Variants in GSAP observed in about 807,000 individuals in gnomAD.
The protein encoded by GSAP is gamma-secretase activating protein, also known as gamma-secretase-activating protein.
Under a neutral mutation model 131.7 loss-of-function variants are expected in GSAP, and 118 were observed. The ratio of observed to expected loss-of-function variants is 0.90; its 90% CI spans 0.77 to 1.04. The LOEUF (loss-of-function observed/expected upper bound fraction) is 1.04. GSAP is among the 50% of genes least tolerant of loss of function. The pLI is 0.00. For missense variants in GSAP, 1,019 were observed against 1,013.2 expected (o/e 1.01, Z -0.08); for synonymous variants, 381 against 363.4 (o/e 1.05, Z -0.55).
chr7:77,365,898 G>GTTTTT (rs35007328), intron 12 of GSAP, among the ~76,000 whole-genome samples: 282 of 115,212 alleles, frequency 2.4e-3, no homozygotes, highest in East Asian at 7.1e-3. Context: ...GCAACTGTGG[G>GTTTTT]TTTTTTTTTT....
Position 77,329,650 on chromosome 7 carries a change from G to C in GSAP, c.1675-259C>G, listed in dbSNP as rs571241953. 10 of 249,004 alleles carry C rather than the reference G, an allele frequency of 4.0e-5. No individual in the cohort carries two copies. The South Asian group carries it at 1.3e-3, about 31-fold the overall frequency. The allele number at this position is 249,004 out of a possible 1,614,324, so 15.4% of individuals were successfully genotyped here. A position where few individuals can be genotyped will look rare whatever the true frequency, so the allele number is the denominator to read the frequency against. ...ACATGCAGCGATACTAGAGAGAGAT[G>C]CAATGTACCCTCCACCCAGTCTCCT... On this transcript the variant is annotated intron_variant, in intron 20 of 30. Transcript: ENST00000257626.
At chr7:77,352,673 A>G (rs1228347985) in intron 18 of GSAP, among the ~76,000 whole-genome samples, 2 of 152,224 alleles carry the variant, frequency 1.3e-5, no homozygotes, top group Non-Finnish European at 2.9e-5. Context: ...TAAAAATACC[A>G]TGATAGAGGT....
Position 77,314,454 on chromosome 7 carries a change from A to G in GSAP, c.2125T>C (p.Cys709Arg). Residue 709 changes from cysteine (C) to arginine (R), a missense_variant, in exon 27 of 31, where the codon TGT (cysteine) becomes CGT (arginine). By Grantham distance (180) the Cys-to-Arg change is radical (BLOSUM62 -3). Coordinates refer to ENST00000257626, the MANE Select transcript of GSAP (RefSeq NM_017439.4). ...HTLHTILGVQ[C>R]LPLHNLLHCI... ...TGCAGCAGGTTATGCAAAGGGAGAC[A>G]CTGGACCCCGAGGATGGTGTGCAGA... 6.2e-7 allele frequency: 1 copy of G among 1,613,842 alleles called. No individual in the cohort carries two copies. The highest frequency in any genetic ancestry group is 8.5e-7 in the Non-Finnish European group (1 of 1,179,774).
At position 77,323,283 on chromosome 7, in the gene GSAP, G is replaced by A. The variant is rs540989564; in HGVS notation, c.1923+364C>T. 3.9e-5 allele frequency among the ~76,000 whole-genome samples: 6 copies of A among 152,306 alleles called. No individual in the cohort carries two copies. In the South Asian group the frequency reaches 1.0e-3, roughly 26 times the overall value. On this transcript the variant is annotated intron_variant, in intron 24 of 30. Transcript: ENST00000257626. ...CTACTGGAACTAATTAAGATTTGAAGTTCAAGTTCTCTCCTGTCTGCATAA... is the reference window on the plus strand; with the variant it reads ...CTACTGGAACTAATTAAGATTTGAAATTCAAGTTCTCTCCTGTCTGCATAA...
intron 19 of GSAP, among the ~76,000 whole-genome samples, chr7:77,331,032 G>C (rs1409612032): frequency 6.6e-6 from 1 of 152,182 alleles, no homozygotes; most frequent in Non-Finnish European, 1.5e-5. Context: ...TCTTAGTGTT[G>C]ACCAGGTGCA....
At chr7:77,328,210 T>A (rs1788583779) in intron 22 of GSAP, 3 of 1,004,488 alleles carry the variant, frequency 3.0e-6, no homozygotes, top group Non-Finnish European at 3.6e-6. Flanking sequence ...GTGTGCCCAA[T>A]TTTTAACCCA....
chr7:77,312,805 T>C (rs763678686), intron 28 of GSAP, among the ~76,000 whole-genome samples: 1 of 152,204 alleles, frequency 6.6e-6, no homozygotes, highest in Non-Finnish European at 1.5e-5. Flanking sequence ...GAGGTGCAAG[T>C]GTGCAAGGCA....
intron 12 of GSAP, among the ~76,000 whole-genome samples, chr7:77,364,309 T>C (rs928822338): frequency 2.6e-5 from 4 of 152,046 alleles, no homozygotes; most frequent in African/African-American, 9.7e-5. Flanking sequence ...GATGGCAACA[T>C]AGATCATAAC....
intron 10 of GSAP, 103 bp downstream of exon 10, chr7:77,376,745 C>T (rs1324086692): frequency 7.9e-6 from 5 of 633,438 alleles, no homozygotes; most frequent in Non-Finnish European, 1.4e-5. Flanking sequence ...CCACTGCACC[C>T]AGCGTGTGCG....
At chr7:77,363,224 G>A (rs116619980) in intron 12 of GSAP, among the ~76,000 whole-genome samples, 10 of 152,348 alleles carry the variant, frequency 6.6e-5, no homozygotes, top group African/African-American at 2.4e-4. Context: ...TTGGCATAGA[G>A]TGGCCTTTCC....
rs771682960 is a variant in GSAP, at chr7:77,320,734, G to A, written c.2080C>T (p.Leu694=). The change falls in exon 26 of 31, where the codon CTG becomes TTG. Residue 694 remains leucine, a synonymous_variant. Coordinates refer to ENST00000257626, the MANE Select transcript of GSAP (RefSeq NM_017439.4). ...AAGAGCCAACACTTACCAGGAGGCA[G>A]AGGTAAAAACAAACTGTTTGTAGCT... ...LEATNSLFLP[L]PPGFHTLHTI... 9 of 1,590,442 alleles carry A rather than the reference G, an allele frequency of 5.7e-6. No individual in the cohort carries two copies. The highest frequency in any genetic ancestry group is 8.6e-7 in the Non-Finnish European group (1 of 1,158,464).
intron 26 of GSAP, chr7:77,314,772 A>AT (rs1261066359): frequency 3.8e-6 from 1 of 264,246 alleles, no homozygotes; most frequent in African/African-American, 2.2e-5. Context: ...TTACGGTTTG[A>AT]TATGTTTGTG....
intron 26 of GSAP, 101 bp from the exon 27 acceptor site, chr7:77,314,590 T>A: frequency 7.6e-7 from 1 of 1,317,424 alleles, no homozygotes; most frequent in Non-Finnish European, 1.1e-6. Flanking sequence ...AGTTCAGTGC[T>A]TGGTGCCTGG....
At chr7:77,331,292 C>G (rs1383334688) in intron 19 of GSAP, among the ~76,000 whole-genome samples, 1 of 152,092 alleles carries the variant, frequency 6.6e-6, no homozygotes, top group Non-Finnish European at 1.5e-5. Context: ...CAGAGCGAGA[C>G]TCCGTCTCAA....
chr7:77,373,205 A>T (rs901828764), intron 12 of GSAP, among the ~76,000 whole-genome samples: 2 of 152,228 alleles, frequency 1.3e-5, no homozygotes, highest in Non-Finnish European at 2.9e-5. Flanking sequence ...GATTCTATTT[A>T]AATACTAAGT....
intron 18 of GSAP, among the ~76,000 whole-genome samples, chr7:77,352,048 T>C (rs1239245068): frequency 6.6e-6 from 1 of 152,110 alleles, no homozygotes; most frequent in East Asian, 1.9e-4. Context: ...ACCACGACAG[T>C]AAAAGACAAA....
rs542243809 is a variant in GSAP, at chr7:77,312,361, A to G, written c.2272-159T>C. Among the ~76,000 whole-genome samples, 140 of 152,326 alleles carry G rather than the reference A, an allele frequency of 9.2e-4. 1 individual carries two copies. The highest frequency in any genetic ancestry group is 3.2e-3 in the African/African-American group (133 of 41,576). On this transcript the variant is annotated intron_variant, in intron 28 of 30. Transcript: ENST00000257626. ...ACCCTTGGAGAAATGCCATGTTCCTATGAAGTTTCTATGAGGGAGTAAATA... is the reference window on the plus strand; with the variant it reads ...ACCCTTGGAGAAATGCCATGTTCCTGTGAAGTTTCTATGAGGGAGTAAATA...
In GSAP at chr7:77,322,343, A is replaced by G. The variant is rs904360209; in HGVS notation, c.1924-940T>C. Among the ~76,000 whole-genome samples the G allele has an allele frequency of 7.2e-5, 11 of 152,214 alleles. No homozygotes were observed. The East Asian group carries it at 1.7e-3, about 24-fold the overall frequency. On this transcript the variant is annotated intron_variant, in intron 24 of 30. Transcript: ENST00000257626. ...GCAGGGGCAGGGAGATGTGGCCTCA[A>G]TCAGTGACTGCTGAGTCAATGTCAG...
intron 26 of GSAP, among the ~76,000 whole-genome samples, chr7:77,319,940 G>A (rs1427306181): frequency 1.3e-5 from 2 of 152,162 alleles, no homozygotes; most frequent in African/African-American, 4.8e-5. Context: ...AGATGAGTAA[G>A]TTCTAAAGAC....
Sources: gnomAD v4.1 joint callset for allele counts (sites outside exome capture counted in the v4.1 genomes callset) on GRCh38, gnomAD v4.1.1 for gene constraint, MANE v1.5 for transcripts, NCBI Gene and HGNC (gene_info 2026-07-23, HGNC 2026-07-21) for gene names.